LARP1B: variants seen among roughly 807,000 people sequenced by gnomAD.
LARP1B encodes the protein La ribonucleoprotein 1B.
A neutral mutation model predicts 114.2 loss-of-function variants in LARP1B; 76 were observed. The ratio of observed to expected loss-of-function variants is 0.67; its 90% CI spans 0.55 to 0.81. LARP1B has a LOEUF of 0.81. Among genes scored for constraint, LARP1B ranks in the 30% least tolerant of loss-of-function variants. The probability of loss-of-function intolerance (pLI) is 0.00; values close to 1 mark genes in which losing one functional copy is unlikely to be tolerated. For missense variants in LARP1B, 1,014 were observed against 1,075.8 expected (o/e 0.94, Z 0.80); for synonymous variants, 345 against 348.0 (o/e 0.99, Z 0.10).
At chr4:128,117,428 C>A (rs1385702248) in intron 10 of LARP1B, among the ~76,000 whole-genome samples, 1 of 151,970 alleles carries the variant, frequency 6.6e-6, no homozygotes, top group Non-Finnish European at 1.5e-5. Flanking sequence ...CTCTTTTGCC[C>A]AAGCTGGAGT....
At chr4:128,145,517 C>G (rs1216501322) in intron 11 of LARP1B, among the ~76,000 whole-genome samples, 1 of 152,160 alleles carries the variant, frequency 6.6e-6, no homozygotes, top group African/African-American at 2.4e-5. Context: ...TGCCTCCAGC[C>G]AAGGACACAC....
intron 5 of LARP1B, among the ~76,000 whole-genome samples, chr4:128,083,409 CT>C (rs1395216852): frequency 1.3e-5 from 2 of 151,394 alleles, no homozygotes; most frequent in Non-Finnish European, 3.0e-5. Context: ...AGAGGCGCCC[CT>C]CACCTCCCGG....
chr4:128,078,032 T>A (rs1768685028), intron 4 of LARP1B, 70 bp downstream of exon 4: 1 of 1,026,526 alleles, frequency 9.7e-7, no homozygotes, highest in Non-Finnish European at 1.4e-6. Flanking sequence ...TTACATTTCA[T>A]TAACTGATCT....
intron 7 of LARP1B, among the ~76,000 whole-genome samples, chr4:128,093,469 G>A (rs1034872746): frequency 6.6e-6 from 1 of 151,806 alleles, no homozygotes; most frequent in African/African-American, 2.4e-5. Flanking sequence ...GGTGGCGGGC[G>A]CCTGTAGTCC....
At chr4:128,194,935 T>C (rs1753605164) in intron 15 of LARP1B, among the ~76,000 whole-genome samples, 1 of 152,110 alleles carries the variant, frequency 6.6e-6, no homozygotes, top group African/African-American at 2.4e-5. Context: ...ATCTTTTACA[T>C]TAGAGTCTTC....
At chr4:128,078,684 A>T (rs575868802) in intron 4 of LARP1B, among the ~76,000 whole-genome samples, 17 of 152,158 alleles carry the variant, frequency 1.1e-4, no homozygotes, top group African/African-American at 3.9e-4. Context: ...AAGGAATGAA[A>T]ATATTGTCTT....
At chr4:128,171,484 C>T (rs930436454) in intron 12 of LARP1B, among the ~76,000 whole-genome samples, 2 of 151,978 alleles carry the variant, frequency 1.3e-5, no homozygotes, top group Admixed American at 1.3e-4. Context: ...GTTAAAAAGC[C>T]CATCAGACAA....
chr4:128,163,084 CTCAT>C (rs1206805412), intron 12 of LARP1B, among the ~76,000 whole-genome samples: 3 of 152,000 alleles, frequency 2.0e-5, no homozygotes, highest in Non-Finnish European at 4.4e-5. Flanking sequence ...TTCAAATTTC[CTCAT>C]TCATCACTTT....
At position 128,199,585 on chromosome 4, in the gene LARP1B, G is replaced by A. The variant is rs376946304; in HGVS notation, c.2150G>A (p.Arg717Gln). 40 of 1,559,642 alleles carry A rather than the reference G, an allele frequency of 2.6e-5. No individual in the cohort carries two copies. The highest frequency in any genetic ancestry group is 4.6e-5 in the East Asian group (2 of 43,342). ...FTQQVYHKYR[R>Q]RCLSERKRLG... ...CAACAAGTGTACCACAAGTATCGTC[G>A]AAGATGCCTAAGTGGTAAGATGCTT... Residue 717 changes from arginine to glutamine, a missense_variant, in exon 16 of 20, where the codon CGA becomes CAA. Physicochemically the swap from Arg to Gln is conservative, Grantham distance 43. Transcript: ENST00000326639.
In LARP1B at chr4:128,207,376, G is replaced by A. The variant is rs777245572; in HGVS notation, c.2540G>A (p.Arg847His). Reference sequence around the variant, plus strand: ...AGTTTTAAGAGGTTAGAAGACTTCCGTGTTGATGTAAGTTTTAAGTCATTT... The same window carrying A: ...AGTTTTAAGAGGTTAGAAGACTTCCATGTTGATGTAAGTTTTAAGTCATTT... ...LCSFKRLEDF[R>H]VDPPISDEFG... Residue 847 changes from arginine (R) to histidine (H), a missense_variant, in exon 19 of 20, where the codon CGT (arginine) becomes CAT (histidine). Physicochemically the swap from Arg to His is conservative, Grantham distance 29 (BLOSUM62 0). Transcript: ENST00000326639. 5 of 1,499,884 alleles carry A rather than the reference G, an allele frequency of 3.3e-6. No individual in the cohort carries two copies. Among genetic ancestry groups the A allele is most frequent in the East Asian group, 4.9e-5 (2 of 40,598 alleles). The allele number at this position is 1,499,884 out of a possible 1,614,324, so 92.9% of individuals were successfully genotyped here.
chr4:128,093,657 G>A (rs1446302907), intron 7 of LARP1B, among the ~76,000 whole-genome samples: 1 of 151,208 alleles, frequency 6.6e-6, no homozygotes, highest in Non-Finnish European at 1.5e-5. Flanking sequence ...AAAATGTATC[G>A]TACAGTATGA....
At chr4:128,183,934 C>T (rs1341431603) in intron 15 of LARP1B, among the ~76,000 whole-genome samples, 1 of 152,114 alleles carries the variant, frequency 6.6e-6, no homozygotes, top group Non-Finnish European at 1.5e-5. Flanking sequence ...GTGGAAATAG[C>T]AAGAGAAGTA....
chr4:128,212,793 T>C (rs1386127818), downstream of LARP1B, among the ~76,000 whole-genome samples: 1 of 152,138 alleles, frequency 6.6e-6, no homozygotes, highest in Non-Finnish European at 1.5e-5. Flanking sequence ...TTAAGACCTC[T>C]AGGAAGGTTG....
chr4:128,151,768 A>C (rs1180758796), intron 11 of LARP1B, among the ~76,000 whole-genome samples: 1 of 151,804 alleles, frequency 6.6e-6, no homozygotes, highest in Non-Finnish European at 1.5e-5. Context: ...ATGTCTGGCT[A>C]ATTTTCTGTA....
At chr4:128,098,584 C>T (rs1042631984) in intron 8 of LARP1B, among the ~76,000 whole-genome samples, 4 of 150,540 alleles carry the variant, frequency 2.7e-5, no homozygotes, top group East Asian at 3.9e-4. Flanking sequence ...CTATTTTAAA[C>T]CTGATCCTTC....
chr4:128,139,226 G>A (rs1726825181), intron 11 of LARP1B, among the ~76,000 whole-genome samples: 1 of 152,058 alleles, frequency 6.6e-6, no homozygotes, highest in South Asian at 2.1e-4. Flanking sequence ...TTGTATACAG[G>A]TATCAAAATG....
At chr4:128,101,190 A>G (rs891450280) in intron 8 of LARP1B, among the ~76,000 whole-genome samples, 1 of 149,464 alleles carries the variant, frequency 6.7e-6, no homozygotes, top group Non-Finnish European at 1.5e-5. Flanking sequence ...AATCAACTAC[A>G]GGGCTGGGCG....
chr4:128,121,411 C>T (rs1787941491), intron 10 of LARP1B, among the ~76,000 whole-genome samples: 2 of 152,186 alleles, frequency 1.3e-5, no homozygotes, highest in African/African-American at 4.8e-5. Context: ...TCCCTGCCTC[C>T]CAGGTTCAAA....
At chr4:128,073,595 T>G (rs1465026730) in intron 1 of LARP1B, among the ~76,000 whole-genome samples, 20 of 84,858 alleles carry the variant, frequency 2.4e-4, no homozygotes, top group African/African-American at 6.5e-4. Context: ...TTTTTTTTTT[T>G]TTTTTTTTTT....
Sources: gnomAD v4.1 joint callset for allele counts (sites outside exome capture counted in the v4.1 genomes callset) on GRCh38, gnomAD v4.1.1 for gene constraint, MANE v1.5 for transcripts, NCBI Gene and HGNC (gene_info 2026-07-23, HGNC 2026-07-21) for gene names.